Variants in GTPBP4 observed in about 807,000 individuals in gnomAD.
The protein encoded by GTPBP4 is GTP-binding protein 4.
In GTPBP4, 15 loss-of-function variants were observed where a neutral mutation model predicts 81.7. The observed-to-expected ratio is 0.18, with a 90% CI of 0.12 to 0.28. The LOEUF is 0.28. Among genes scored for constraint, GTPBP4 ranks in the 10% least tolerant of loss-of-function variants. The pLI, the probability that GTPBP4 is intolerant of heterozygous loss-of-function variation, is 1.00. For synonymous variants in GTPBP4, 272 were observed against 274.6 expected, an observed-to-expected ratio of 0.99 and a Z score of 0.09; for missense variants, 847 against 793.8, an observed-to-expected ratio of 1.07 and a Z score of -0.81.
intron 1 of GTPBP4, among the ~76,000 whole-genome samples, chr10:990,756 A>G (rs1831426872): frequency 7.0e-6 from 1 of 143,286 alleles, no homozygotes; most frequent in Non-Finnish European, 1.5e-5. Flanking sequence ...AAGTGGGGTA[A>G]GTCATATCTC....
intron 4 of GTPBP4, 55 bp downstream of exon 4, chr10:996,297 C>T (rs1321698993): frequency 1.3e-6 from 2 of 1,495,472 alleles, no homozygotes; most frequent in African/African-American, 2.8e-5. Context: ...GAGGATGCGT[C>T]CTTGTTGAGG....
In GTPBP4 at chr10:996,199, A is replaced by G. The variant is rs752933467; in HGVS notation, c.417A>G (p.Thr139=). Residue 139 remains threonine, a synonymous_variant, in exon 4 of 17, where the codon ACA becomes ACG. Coordinates refer to ENST00000360803, the MANE Select transcript of GTPBP4 (RefSeq NM_012341.3). ...LKRAALGRMC[T]VIKRQKQSLE... ...GTGCGGCCCTGGGACGGATGTGCACAGTGATCAAGAGGCAGAAGCAGAGTT... is the reference window on the plus strand; with the variant it reads ...GTGCGGCCCTGGGACGGATGTGCACGGTGATCAAGAGGCAGAAGCAGAGTT... 29 of 1,613,716 alleles carry G rather than the reference A, an allele frequency of 1.8e-5. No individual in the cohort carries two copies. Among genetic ancestry groups the G allele is most frequent in the Admixed American group, 8.3e-5 (5 of 59,918 alleles).
In GTPBP4 at chr10:1,018,443, C is replaced by T. The variant is rs1335691233; in HGVS notation, c.*1216C>T. 6.7e-6 allele frequency: 1 copy of T among 149,830 alleles called. No individual in the cohort carries two copies. Among genetic ancestry groups the T allele is most frequent in the Non-Finnish European group, 1.5e-5 (1 of 67,724 alleles). The allele number at this position is 149,830 out of a possible 1,614,324, so 9.3% of individuals were successfully genotyped here. The stretch of plus-strand genomic sequence containing the variant: ...CGTGTGAAAAAAAAAAAAAAAATAC[C>T]AGGTCTGGTTTTTGAAATTCTTTCT... On this transcript the variant is annotated 3_prime_UTR_variant, in exon 17 of 17. Transcript: ENST00000360803.
intron 10 of GTPBP4, among the ~76,000 whole-genome samples, chr10:1,008,578 C>A (rs963421420): frequency 6.6e-6 from 1 of 152,162 alleles, no homozygotes; most frequent in African/African-American, 2.4e-5. Context: ...CTTATATGCA[C>A]TTGAGTTTAT....
At position 1,012,592 on chromosome 10, in the gene GTPBP4, A is replaced by G; in HGVS notation, c.1472A>G (p.Lys491Arg). The G allele has an allele frequency of 6.2e-7, 1 of 1,614,124 alleles. No homozygotes were observed. Among genetic ancestry groups the G allele is most frequent in the Non-Finnish European group, 8.5e-7 (1 of 1,179,952 alleles). Reference sequence around the variant, plus strand: ...CTGGCAAAGCAAATTCGAGAGAAAAAGAAGTTGAAAATTCTGGAGTCCAAA... The same window carrying G: ...CTGGCAAAGCAAATTCGAGAGAAAAGGAAGTTGAAAATTCTGGAGTCCAAA... ...RQLAKQIREK[K>R]KLKILESKEK... The change falls in exon 14 of 17, where the codon AAG (lysine) becomes AGG (arginine). Residue 491 changes from lysine (K) to arginine (R), a missense_variant. Coordinates refer to ENST00000360803, the MANE Select transcript of GTPBP4 (RefSeq NM_012341.3).
intron 1 of GTPBP4, among the ~76,000 whole-genome samples, chr10:992,114 T>C (rs1334865254): frequency 2.6e-5 from 4 of 151,140 alleles, no homozygotes; most frequent in Non-Finnish European, 5.9e-5. Flanking sequence ...TTAAGAAGGT[T>C]TCAGGGCCGG....
intron 1 of GTPBP4, 74 bp downstream of exon 1, chr10:988,601 G>C (rs1831383810): frequency 8.6e-7 from 1 of 1,168,878 alleles, no homozygotes; most frequent in Admixed American, 1.8e-5. Flanking sequence ...GTCCGGGCCT[G>C]TAGCCGTGGG....
intron 10 of GTPBP4, 146 bp from the exon 11 acceptor site, chr10:1,008,812 C>T: frequency 1.4e-6 from 1 of 709,374 alleles, no homozygotes. Context: ...CTCCTCTCCC[C>T]TAAAATAATC....
intron 8 of GTPBP4, among the ~76,000 whole-genome samples, chr10:1,001,221 CTTTG>C (rs1831625553): frequency 6.6e-6 from 1 of 152,132 alleles, no homozygotes; most frequent in Non-Finnish European, 1.5e-5. Context: ...TTTCTGGATT[CTTTG>C]TTCTTGAGTG....
In GTPBP4 at chr10:1,019,668, T is replaced by C. The variant is rs1485123098; in HGVS notation, c.*2441T>C. ...CTCCCTCTCCAGCAGCTCCCACAGC[T>C]CCTCCTGGGACAGGTAGAGGATGCT... On this transcript the variant is annotated 3_prime_UTR_variant, in exon 17 of 17. Coordinates refer to ENST00000360803, the MANE Select transcript of GTPBP4 (RefSeq NM_012341.3). The C allele has an allele frequency of 1.3e-5, 21 of 1,614,004 alleles. No individual in the cohort carries two copies. Among genetic ancestry groups the C allele is most frequent in the Non-Finnish European group, 1.7e-5 (20 of 1,179,992 alleles).
chr10:994,355 TC>T (rs1831501314), intron 2 of GTPBP4, among the ~76,000 whole-genome samples: 1 of 151,354 alleles, frequency 6.6e-6, no homozygotes, highest in Admixed American at 6.6e-5. Flanking sequence ...TGTAACCTCT[TC>T]CTCCCAGGTT....
chr10:991,726 C>T (rs1311515615), intron 1 of GTPBP4, among the ~76,000 whole-genome samples: 6 of 124,356 alleles, frequency 4.8e-5, no homozygotes, highest in South Asian at 2.6e-4. Context: ...GACGGAGTCT[C>T]GCTCTGTCGC....
Position 1,017,266 on chromosome 10 carries a change from G to C in GTPBP4, c.*39G>C. 3.2e-6 allele frequency: 5 copies of C among 1,585,156 alleles called. No individual in the cohort carries two copies. The highest frequency in any genetic ancestry group is 1.7e-5 in the Admixed American group (1 of 58,684). ...GGCGTGGCTTCGCTAGAGTGTTGCTGTTTATTTCCTGGTTTGGCACAGTAT... is the reference window on the plus strand; with the variant it reads ...GGCGTGGCTTCGCTAGAGTGTTGCTCTTTATTTCCTGGTTTGGCACAGTAT... On this transcript the variant is annotated 3_prime_UTR_variant, in exon 17 of 17. Transcript: ENST00000360803.
At position 988,517 on chromosome 10, in the gene GTPBP4, C is replaced by T. The variant is rs144664436; in HGVS notation, c.38C>T (p.Pro13Leu). The T allele has an allele frequency of 3.1e-6, 5 of 1,612,600 alleles. No individual in the cohort carries two copies. The East Asian group carries it at 6.7e-5, about 22-fold the overall frequency. Residue 13 changes from proline to leucine, a missense_variant, in exon 1 of 17, where the codon CCG (proline) becomes CTG (leucine). This residue lies in a region of GTPBP4 where 241 missense variants were observed against 216.3 expected (regional missense o/e 1.11). Transcript: ENST00000360803. ...AACTTCAAGAAAATTACGGTGGTGC[C>T]GTCCGCCAAGGTAGGCGGCCCCGGG... ...HYNFKKITVV[P>L]SAKDFIDLTL... is the part of the protein sequence containing the mutation.
chr10:1,014,146 A>T, intron 14 of GTPBP4, 101 bp from the exon 15 acceptor site: 1 of 682,256 alleles, frequency 1.5e-6, no homozygotes. Context: ...TAAGTATATT[A>T]TAATTGTTGC....
At chr10:1,003,141 C>T (rs1005276547) in intron 8 of GTPBP4, among the ~76,000 whole-genome samples, 1 of 91,242 alleles carries the variant, frequency 1.1e-5, no homozygotes, top group Non-Finnish European at 2.1e-5. Context: ...TAGGTAGTTT[C>T]AAATGACAGA....
At position 996,245 on chromosome 10, in the gene GTPBP4, G is replaced by A. The variant is rs778526638; in HGVS notation, c.460+3G>A. ...GAGTTTGGAGTATTTGGAGCAAGGTGCTTGTCACGCATCCGCGGGAACCGT... is the reference window on the plus strand; with the variant it reads ...GAGTTTGGAGTATTTGGAGCAAGGTACTTGTCACGCATCCGCGGGAACCGT... On this transcript the variant is annotated splice_donor_region_variant and intron_variant, in intron 4 of 16. Transcript: ENST00000360803. The A allele has an allele frequency of 3.0e-5, 48 of 1,609,306 alleles. No individual in the cohort carries two copies. The highest frequency in any genetic ancestry group is 8.5e-5 in the Admixed American group (5 of 58,908).
chr10:988,573 G>T, intron 1 of GTPBP4, 46 bp downstream of exon 1: 1 of 1,477,514 alleles, frequency 6.8e-7, no homozygotes, highest in Non-Finnish European at 9.5e-7. Context: ...GTTCTCCTCA[G>T]CTGGGTCCCC....
At chr10:1,009,916 C>T (rs1831818418) in intron 12 of GTPBP4, among the ~76,000 whole-genome samples, 1 of 152,136 alleles carries the variant, frequency 6.6e-6, no homozygotes, top group Non-Finnish European at 1.5e-5. Flanking sequence ...GATCACTTGA[C>T]CCTAGGAGGA....
Sources: gnomAD v4.1 joint callset for allele counts (sites outside exome capture counted in the v4.1 genomes callset) on GRCh38, gnomAD v4.1.1 for gene constraint, gnomAD v4.1.1 regional missense constraint, MANE v1.5 for transcripts, NCBI Gene and HGNC (gene_info 2026-07-23, HGNC 2026-07-21) for gene names.